The following SNTG1 variants were observed in gnomAD, a reference collection of about 807,000 sequenced individuals.
SNTG1 encodes syntrophin gamma 1, also known as gamma-1-syntrophin.
A neutral mutation model predicts 74.7 loss-of-function variants in SNTG1; 39 were observed. The ratio of observed to expected loss-of-function variants is 0.52; its 90% CI spans 0.40 to 0.68. SNTG1 has a LOEUF of 0.68. Among genes scored for constraint, SNTG1 ranks in the 30% least tolerant of loss-of-function variants. The probability of loss-of-function intolerance (pLI) is 0.00; values close to 1 mark genes in which losing one functional copy is unlikely to be tolerated. For missense variants in SNTG1, 685 were observed against 609.5 expected (o/e 1.12, Z -1.30); for synonymous variants, 254 against 217.1 (o/e 1.17, Z -1.49).
At chr8:50,698,761 T>C (rs1361723673) in intron 15 of SNTG1, among the ~76,000 whole-genome samples, 1 of 152,150 alleles carries the variant, frequency 6.6e-6, no homozygotes, top group Non-Finnish European at 1.5e-5. Context: ...CAGGTACTTC[T>C]TACAGTCTCC....
chr8:50,771,087 A>G (rs1021844709), intron 18 of SNTG1, among the ~76,000 whole-genome samples: 2 of 152,100 alleles, frequency 1.3e-5, no homozygotes, highest in African/African-American at 4.8e-5. Flanking sequence ...TGCTCTACAG[A>G]TATCTGAAAA....
At chr8:50,009,608 T>C (rs1306836797) in intron 1 of SNTG1, among the ~76,000 whole-genome samples, 3 of 152,186 alleles carry the variant, frequency 2.0e-5, no homozygotes, top group Admixed American at 6.5e-5. Flanking sequence ...ATCTGAAACC[T>C]TTTTCATTGT....
Position 50,074,083 on chromosome 8 carries a change from C to G in SNTG1, c.-102-98478C>G, listed in dbSNP as rs1821613293. Among the ~76,000 whole-genome samples, 7 of 151,848 alleles carry G rather than the reference C, an allele frequency of 4.6e-5. No individual in the cohort carries two copies. The South Asian group carries it at 1.5e-3, about 32-fold the overall frequency. ...CTACTCATCTCTAGTTATGAAAGTC[C>G]TAGATGACTTCTTCTTCCAATATAA... is the stretch of plus-strand genomic sequence containing the variant. On this transcript the variant is annotated intron_variant, in intron 1 of 18. Coordinates refer to ENST00000642720, the MANE Select transcript of SNTG1 (RefSeq NM_018967.5).
intron 12 of SNTG1, among the ~76,000 whole-genome samples, chr8:50,556,415 G>C (rs1322509794): frequency 6.6e-6 from 1 of 152,160 alleles, no homozygotes; most frequent in Non-Finnish European, 1.5e-5. Context: ...TTCACTCCCA[G>C]TGAACTATTA....
intron 13 of SNTG1, among the ~76,000 whole-genome samples, chr8:50,616,427 A>G (rs180674695): frequency 9.2e-5 from 14 of 152,302 alleles, no homozygotes; most frequent in Non-Finnish European, 1.9e-4. Context: ...TGAGCATACA[A>G]TGAACTGGGT....
chr8:50,397,397 G>T (rs1587467982), intron 3 of SNTG1, among the ~76,000 whole-genome samples: 1 of 152,186 alleles, frequency 6.6e-6, no homozygotes, highest in South Asian at 2.1e-4. Context: ...AGACTTTGCA[G>T]GTGGGGCTGT....
chr8:50,015,661 A>G (rs761874288), intron 1 of SNTG1, among the ~76,000 whole-genome samples: 4 of 152,146 alleles, frequency 2.6e-5, no homozygotes, highest in Admixed American at 6.6e-5. Flanking sequence ...GTGGTTTCAG[A>G]TGGTGAATTT....
In SNTG1 at chr8:50,734,757, CTATATATATGGA is replaced by C. The variant is rs2095522035; in HGVS notation, c.1285-17243_1285-17232del. On this transcript the variant is annotated intron_variant, in intron 17 of 18. Transcript: ENST00000642720. ...TATATATGGACATGTATATAGATAT[CTATATATATGGA>C]CATATATATAGATATCTATATATAT... Among the ~76,000 whole-genome samples, 15 of 110,994 alleles carry C rather than the reference CTATATATATGGA, an allele frequency of 1.4e-4. No homozygotes were observed. The South Asian group carries it at 2.7e-3, about 20-fold the overall frequency. The allele number at this position is 110,994 out of a possible 152,430, so 72.8% of individuals were successfully genotyped here. A position where few individuals can be genotyped will look rare whatever the true frequency, so the allele number is the denominator to read the frequency against.
At chr8:50,176,152 T>A (rs1586592455) in intron 2 of SNTG1, among the ~76,000 whole-genome samples, 1 of 152,150 alleles carries the variant, frequency 6.6e-6, no homozygotes, top group East Asian at 1.9e-4. Flanking sequence ...TTTGTGTGTT[T>A]TGGGGATGTC....
At chr8:50,407,607 G>T (rs2092895703) in intron 4 of SNTG1, among the ~76,000 whole-genome samples, 2 of 152,190 alleles carry the variant, frequency 1.3e-5, no homozygotes, top group Admixed American at 1.3e-4. Flanking sequence ...CTTTTGACCT[G>T]CCTTGCTCAG....
chr8:50,375,054 A>G (rs766624416), intron 2 of SNTG1, among the ~76,000 whole-genome samples: 1 of 152,198 alleles, frequency 6.6e-6, no homozygotes, highest in South Asian at 2.1e-4. Context: ...TTTAAACAAC[A>G]TGTGTCTGCA....
intron 2 of SNTG1, among the ~76,000 whole-genome samples, chr8:50,227,639 A>G (rs911586076): frequency 2.6e-5 from 4 of 152,048 alleles, no homozygotes; most frequent in Non-Finnish European, 5.9e-5. Context: ...CACTGCATCA[A>G]CGCAGCTCCA....
intron 1 of SNTG1, among the ~76,000 whole-genome samples, chr8:50,155,213 G>A (rs1350616253): frequency 6.6e-6 from 1 of 152,116 alleles, no homozygotes; most frequent in Non-Finnish European, 1.5e-5. Flanking sequence ...TGGTCCTGTT[G>A]TAAAAATACA....
intron 2 of SNTG1, among the ~76,000 whole-genome samples, chr8:50,231,270 T>C (rs563182782): frequency 1.3e-5 from 2 of 151,486 alleles, no homozygotes; most frequent in South Asian, 4.1e-4. Flanking sequence ...GGAACCCTCA[T>C]ACACTAATGG....
intron 2 of SNTG1, among the ~76,000 whole-genome samples, chr8:50,251,660 T>G (rs1009795368): frequency 3.3e-5 from 5 of 151,742 alleles, no homozygotes; most frequent in Non-Finnish European, 7.4e-5. Flanking sequence ...CATAACTAAC[T>G]CAACAAGAAT....
At chr8:49,932,649 T>C (rs1447306253) in intron 1 of SNTG1, among the ~76,000 whole-genome samples, 1 of 152,090 alleles carries the variant, frequency 6.6e-6, no homozygotes, top group Non-Finnish European at 1.5e-5. Context: ...ACTTACCCTC[T>C]TAAAGTGTAT....
intron 2 of SNTG1, among the ~76,000 whole-genome samples, chr8:50,383,422 T>A (rs941860043): frequency 1.3e-5 from 2 of 152,252 alleles, no homozygotes; most frequent in Admixed American, 1.3e-4. Context: ...ACAAAGATAA[T>A]TGACATATAT....
chr8:50,721,381 A>G (rs772374145), intron 17 of SNTG1, among the ~76,000 whole-genome samples: 2 of 152,202 alleles, frequency 1.3e-5, no homozygotes, highest in Non-Finnish European at 2.9e-5. Flanking sequence ...AGCCAATTTT[A>G]CAATGGGCCT....
chr8:49,997,623 T>C (rs1035629133), intron 1 of SNTG1, among the ~76,000 whole-genome samples: 15 of 152,184 alleles, frequency 9.9e-5, no homozygotes, highest in African/African-American at 3.6e-4. Context: ...GCAATGAGTA[T>C]ATTTGTCACA....
Sources: allele counts gnomAD v4.1 joint callset (sites outside exome capture counted in the v4.1 genomes callset), GRCh38; gene constraint gnomAD v4.1.1; transcripts MANE v1.5; gene names NCBI Gene and HGNC (gene_info 2026-07-23, HGNC 2026-07-21).